DDIAS: variants seen among roughly 807,000 people sequenced by gnomAD.
DDIAS encodes the protein DNA damage induced apoptosis suppressor.
A neutral mutation model predicts 15.7 loss-of-function variants in DDIAS; 14 were observed. The observed-to-expected ratio is 0.89, with a 90% CI of 0.59 to 1.39. DDIAS has a LOEUF of 1.39. Ranked by LOEUF, DDIAS falls within the 40% of genes most tolerant of loss-of-function variation. DDIAS has a pLI of 0.00. For synonymous variants in DDIAS, 355 were observed against 395.9 expected, an observed-to-expected ratio of 0.90 and a Z score of 1.23; for missense variants, 1,035 against 1,130.9, an observed-to-expected ratio of 0.92 and a Z score of 1.22.
rs372844557 is a variant in DDIAS at position 82,934,256 on chromosome 11, G to A, written c.2918G>A (p.Cys973Tyr). The A allele has an allele frequency of 1.9e-6, 3 of 1,613,552 alleles. No homozygotes were observed. Among genetic ancestry groups the A allele is most frequent in the African/African-American group, 1.3e-5 (1 of 74,906 alleles). The change falls in exon 6 of 6, where the codon TGT (cysteine) becomes TAT (tyrosine). Residue 973 changes from cysteine (C) to tyrosine (Y), a missense_variant. Transcript: ENST00000533655. ...CCTGATTCTTGTTCAGAAGTCAAATGTTGCCTTCCATTTTCAGAAAAAGGC... is the reference window on the plus strand; with the variant it reads ...CCTGATTCTTGTTCAGAAGTCAAATATTGCCTTCCATTTTCAGAAAAAGGC... ...LGPDSCSEVKCCLPFSEKGPP... is the reference protein window; with the variant it reads ...LGPDSCSEVKYCLPFSEKGPP...
At chr11:82,907,989 G>C (rs1860464283) in intron 1 of DDIAS, among the ~76,000 whole-genome samples, 1 of 152,182 alleles carries the variant, frequency 6.6e-6, no homozygotes, top group East Asian at 1.9e-4. Flanking sequence ...AGTAAGCAAA[G>C]ACATACATAG....
chr11:82,910,231 T>C (rs1196521177), intron 1 of DDIAS, among the ~76,000 whole-genome samples: 1 of 152,120 alleles, frequency 6.6e-6, no homozygotes, highest in African/African-American at 2.4e-5. Context: ...TTATGTTATA[T>C]GTTTTATGTT....
intron 1 of DDIAS, among the ~76,000 whole-genome samples, chr11:82,911,215 A>T (rs1167405859): frequency 6.6e-6 from 1 of 152,190 alleles, no homozygotes; most frequent in Non-Finnish European, 1.5e-5. Context: ...ATAAGACAAC[A>T]TTGAAGTTTG....
intron 1 of DDIAS, among the ~76,000 whole-genome samples, chr11:82,910,606 C>CTTTTTTTTT (rs869173859): frequency 1.1e-5 from 1 of 89,110 alleles, no homozygotes; most frequent in Non-Finnish European, 2.0e-5. Context: ...CTCTCTCTCT[C>CTTTTTTTTT]TTTTTTTTTT....
chr11:82,917,663 G>A (rs986287727), intron 3 of DDIAS, among the ~76,000 whole-genome samples: 2 of 152,152 alleles, frequency 1.3e-5, no homozygotes, highest in Non-Finnish European at 2.9e-5. Context: ...TAGATACCCA[G>A]CAGTGGGATT....
intron 3 of DDIAS, among the ~76,000 whole-genome samples, chr11:82,915,935 T>C (rs1204856516): frequency 1.3e-5 from 2 of 152,324 alleles, no homozygotes; most frequent in East Asian, 3.9e-4. Context: ...AAATGATGTA[T>C]AATGAAACAA....
At chr11:82,913,767 A>G in intron 2 of DDIAS, 1 of 415,702 alleles carries the variant, frequency 2.4e-6, no homozygotes, top group Admixed American at 3.2e-5. Flanking sequence ...GTACACATTG[A>G]ATATACCTTA....
intron 3 of DDIAS, among the ~76,000 whole-genome samples, chr11:82,915,962 C>T (rs576968147): frequency 1.3e-5 from 2 of 152,088 alleles, no homozygotes; most frequent in Non-Finnish European, 2.9e-5. Context: ...TTCTCATCAA[C>T]GTTATAATGA....
intron 1 of DDIAS, among the ~76,000 whole-genome samples, chr11:82,905,490 T>G (rs1294264287): frequency 6.6e-6 from 1 of 152,116 alleles, no homozygotes; most frequent in Non-Finnish European, 1.5e-5. Flanking sequence ...AAAATCGCCC[T>G]TAACACTACC....
chr11:82,912,755 C>T lies in DDIAS; in HGVS notation c.-116-532C>T, dbSNP rs371394307. ...AAGAAACCTAACTTTTGGTCTGTCT[C>T]GGCTATCAACATGCTTTCCTCACTA... On this transcript the variant is annotated intron_variant, in intron 1 of 5. Transcript: ENST00000533655. Among the ~76,000 whole-genome samples, 8 of 152,302 alleles carry T rather than the reference C, an allele frequency of 5.3e-5. No homozygotes were observed. The East Asian group carries it at 7.7e-4, about 15-fold the overall frequency.
At chr11:82,927,346 G>T (rs980240011) in intron 3 of DDIAS, among the ~76,000 whole-genome samples, 1 of 152,154 alleles carries the variant, frequency 6.6e-6, no homozygotes, top group African/African-American at 2.4e-5. Context: ...ACAAACTCTA[G>T]CAGATTTGTA....
Position 82,932,243 on chromosome 11 carries a change from T to C in DDIAS, c.905T>C (p.Met302Thr), listed in dbSNP as rs1861007315. 5 of 1,613,550 alleles carry C rather than the reference T, an allele frequency of 3.1e-6. No individual in the cohort carries two copies. Among genetic ancestry groups the C allele is most frequent in the Non-Finnish European group, 4.2e-6 (5 of 1,179,882 alleles). The stretch of plus-strand genomic sequence containing the variant: ...GATTCATGGAGCCTTGTTTCATATA[T>C]GGATAAAAAGAGTACAGCAGAAAAG... ...IQDSWSLVSY[M>T]DKKSTAEKLG... Residue 302 changes from methionine to threonine, a missense_variant, in exon 6 of 6, where the codon ATG becomes ACG. Physicochemically the swap from Met to Thr is moderately conservative, Grantham distance 81. Coordinates refer to ENST00000533655, the MANE Select transcript of DDIAS (RefSeq NM_145018.4).
In DDIAS at chr11:82,932,948, C is replaced by T; in HGVS notation, c.1610C>T (p.Pro537Leu). 6.2e-7 allele frequency: 1 copy of T among 1,612,184 alleles called. No homozygotes were observed. Among genetic ancestry groups the T allele is most frequent in the Non-Finnish European group, 8.5e-7 (1 of 1,179,174 alleles). ...RDMSEYFLPN[P>L]YLSALSSSSK... ...ATGTCAGAATATTTTTTACCGAATCCTTACCTGTCAGCTCTGTCTTCATCT... is the reference window on the plus strand; with the variant it reads ...ATGTCAGAATATTTTTTACCGAATCTTTACCTGTCAGCTCTGTCTTCATCT... Residue 537 changes from proline to leucine, a missense_variant, in exon 6 of 6, where the codon CCT becomes CTT. Transcript: ENST00000533655.
At chr11:82,924,941 A>T (rs901296847) in intron 3 of DDIAS, among the ~76,000 whole-genome samples, 1 of 152,218 alleles carries the variant, frequency 6.6e-6, no homozygotes, top group African/African-American at 2.4e-5. Context: ...AGGCTCCTTG[A>T]ACTCAAATCT....
intron 3 of DDIAS, among the ~76,000 whole-genome samples, chr11:82,915,691 A>T (rs1860618698): frequency 2.0e-5 from 2 of 102,398 alleles, no homozygotes; most frequent in Admixed American, 2.0e-4. Context: ...ATCCTTGGCT[A>T]GGGCTTAGTT....
At chr11:82,922,361 G>C (rs1860772115) in intron 3 of DDIAS, among the ~76,000 whole-genome samples, 1 of 152,110 alleles carries the variant, frequency 6.6e-6, no homozygotes, top group African/African-American at 2.4e-5. Flanking sequence ...CTTAGGTTTG[G>C]CTGTTTAACA....
At chr11:82,920,512 G>C (rs970115625) in intron 3 of DDIAS, among the ~76,000 whole-genome samples, 4 of 152,086 alleles carry the variant, frequency 2.6e-5, no homozygotes, top group African/African-American at 7.2e-5. Flanking sequence ...TAGGCATTTA[G>C]GACTATGACC....
intron 3 of DDIAS, among the ~76,000 whole-genome samples, chr11:82,919,072 T>G (rs1860689405): frequency 6.6e-6 from 1 of 152,228 alleles, no homozygotes; most frequent in African/African-American, 2.4e-5. Context: ...CTTTACTGAT[T>G]TAGATGCCCT....
At position 82,933,228 on chromosome 11, in the gene DDIAS, A is replaced by G; in HGVS notation, c.1890A>G (p.Lys630=). Residue 630 remains lysine, a synonymous_variant, in exon 6 of 6, where the codon AAA becomes AAG. Transcript: ENST00000533655. ...ATGACAGTTTTACAATTTGCAGGAAACTTACATATCCTTTAGAAACTCTTT... is the reference window on the plus strand; with the variant it reads ...ATGACAGTTTTACAATTTGCAGGAAGCTTACATATCCTTTAGAAACTCTTT... The part of the protein sequence containing the change: ...NQDDSFTICR[K]LTYPLETLCN... 1 of 1,611,738 alleles carries G rather than the reference A, an allele frequency of 6.2e-7. No individual in the cohort carries two copies. Among genetic ancestry groups the G allele is most frequent in the Non-Finnish European group, 8.5e-7 (1 of 1,179,474 alleles).
Sources: gnomAD v4.1 joint callset for allele counts (sites outside exome capture counted in the v4.1 genomes callset) on GRCh38, gnomAD v4.1.1 for gene constraint, MANE v1.5 for transcripts, NCBI Gene and HGNC (gene_info 2026-07-23, HGNC 2026-07-21) for gene names.